Variants in ASNS observed in about 807,000 individuals in gnomAD.
ASNS encodes the protein asparagine synthetase [glutamine-hydrolyzing].
In ASNS, 37 loss-of-function variants were observed where a neutral mutation model predicts 62.6. That is an observed-to-expected ratio of 0.59 (90% CI 0.45 to 0.78). ASNS has a LOEUF of 0.78. Ranked by LOEUF, ASNS falls within the 30% of genes least tolerant of loss-of-function variation. The pLI, the probability that ASNS is intolerant of heterozygous loss-of-function variation, is 0.00. For synonymous variants in ASNS, 207 were observed against 237.9 expected, an observed-to-expected ratio of 0.87 and a Z score of 1.19; for missense variants, 520 against 682.4, an observed-to-expected ratio of 0.76 and a Z score of 2.65.
At chr7:97,896,630 G>T in the ASNS span, among the ~76,000 whole-genome samples, 39 of 113,920 alleles carry the variant, frequency 3.4e-4, 1 homozygote, top group East Asian at 0.01. Flanking sequence ...ATATATATAT[G>T]TATATATATA....
At chr7:97,900,359 TC>T in the ASNS span, among the ~76,000 whole-genome samples, 18 of 58,352 alleles carry the variant, frequency 3.1e-4, 1 homozygote, top group South Asian at 2.1e-3. Flanking sequence ...AGACTTTGTC[TC>T]AAAAAAAAAA....
chr7:97,884,020 C>T, the ASNS span, among the ~76,000 whole-genome samples: 1 of 149,876 alleles, frequency 6.7e-6, no homozygotes, highest in African/African-American at 2.5e-5. Context: ...TATAAAAGGT[C>T]ACCTTTACTG....
At chr7:97,906,524 ATT>A in the ASNS span, 2 of 177,214 alleles carry the variant, frequency 1.1e-5, no homozygotes, top group African/African-American at 4.8e-5. Flanking sequence ...CCTCTTGAAT[ATT>A]TTCAAGGATT....
At chr7:97,853,009 C>G (rs1562811743) in intron 12 of ASNS, 51 bp downstream of exon 12, 3 of 1,473,694 alleles carry the variant, frequency 2.0e-6, no homozygotes, top group Non-Finnish European at 2.7e-6. Context: ...GCAATGACAG[C>G]TCTGCATCCA....
At chr7:97,880,278 C>A in the ASNS span, among the ~76,000 whole-genome samples, 4 of 152,040 alleles carry the variant, frequency 2.6e-5, no homozygotes, top group Non-Finnish European at 5.9e-5. Flanking sequence ...GTGTGCATCA[C>A]CACACCTAGC....
the ASNS span, among the ~76,000 whole-genome samples, chr7:97,927,152 T>C: frequency 7.4e-6 from 1 of 135,662 alleles, no homozygotes; most frequent in Non-Finnish European, 1.5e-5. Flanking sequence ...ACTCCTGGGC[T>C]CAAGCGATCC....
the ASNS span, among the ~76,000 whole-genome samples, chr7:97,904,517 A>T: frequency 2.0e-5 from 3 of 152,080 alleles, no homozygotes; most frequent in Non-Finnish European, 4.4e-5. Context: ...CAATACCTCG[A>T]GTATCACCAA....
intron 3 of ASNS, among the ~76,000 whole-genome samples, chr7:97,867,793 T>A (rs1792047664): frequency 6.6e-6 from 1 of 152,202 alleles, no homozygotes; most frequent in African/African-American, 2.4e-5. Context: ...AAAAGGAATT[T>A]CCTGAATAAC....
chr7:97,896,620 A>ATATATATATGTATATATATATATATGTG, the ASNS span, among the ~76,000 whole-genome samples: 41 of 132,006 alleles, frequency 3.1e-4, no homozygotes, highest in Non-Finnish European at 5.9e-4. Context: ...AAAAAACCAC[A>ATATATATATGTATATATATATATATGTG]TATATATATG....
chr7:97,904,284 TCACACACACACACA>T, the ASNS span, among the ~76,000 whole-genome samples: 2 of 135,134 alleles, frequency 1.5e-5, no homozygotes, highest in African/African-American at 2.8e-5. Flanking sequence ...ACTACCAGTT[TCACACACACACACA>T]CACACACACA....
chr7:97,861,023 C>CTTTTT lies in ASNS; in HGVS notation c.488-1630_488-1626dup, dbSNP rs71108240. On this transcript the variant is annotated intron_variant, in intron 4 of 12. Coordinates refer to ENST00000394308, the MANE Select transcript of ASNS (RefSeq NM_001673.5). Reference sequence around the variant, plus strand: ...TAGTTCAAAACTGATTCATTTGATCCTTTTTTTTTTTTTTTTTGAGATGAG... The same window carrying CTTTTT: ...TAGTTCAAAACTGATTCATTTGATCCTTTTTTTTTTTTTTTTTTTTTTGAGATGAG... 9.4e-4 allele frequency among the ~76,000 whole-genome samples: 113 copies of CTTTTT among 120,676 alleles called. 4 individuals are homozygous for CTTTTT. The highest frequency in any genetic ancestry group is 1.7e-3 in the East Asian group (7 of 4,206). 79.2% of individuals were successfully genotyped at this position (120,676 alleles called of 152,430 possible).
intron 6 of ASNS, 146 bp from the exon 7 acceptor site, chr7:97,858,551 CAA>C (rs1791568494): frequency 9.5e-7 from 1 of 1,048,468 alleles, no homozygotes; most frequent in Non-Finnish European, 1.4e-6. Flanking sequence ...TCAACTTCAA[CAA>C]GAGAAAAATA....
chr7:97,876,186 G>A (rs1430828279), upstream of ASNS, among the ~76,000 whole-genome samples: 1 of 152,130 alleles, frequency 6.6e-6, no homozygotes, highest in African/African-American at 2.4e-5. Context: ...TGGAAGGTCA[G>A]AGTTAGGGTT....
At chr7:97,870,360 A>G in intron 1 of ASNS, 1 of 346,584 alleles carries the variant, frequency 2.9e-6, no homozygotes, top group Non-Finnish European at 5.2e-6. Flanking sequence ...TTTTAAAAAA[A>G]CTGCGAATTG....
At chr7:97,885,221 C>T in the ASNS span, among the ~76,000 whole-genome samples, 79 of 152,382 alleles carry the variant, frequency 5.2e-4, no homozygotes, top group Non-Finnish European at 5.0e-4. Context: ...CGTGTTAGTA[C>T]TTCATTCCTT....
At chr7:97,857,836 C>A (rs1353596745) in intron 7 of ASNS, among the ~76,000 whole-genome samples, 2 of 151,780 alleles carry the variant, frequency 1.3e-5, no homozygotes, top group Admixed American at 1.3e-4. Flanking sequence ...ACCCAGGCTC[C>A]CATAAGGCTA....
chr7:97,868,479 A>G (rs1792080672), intron 3 of ASNS, among the ~76,000 whole-genome samples: 1 of 151,668 alleles, frequency 6.6e-6, no homozygotes, highest in Non-Finnish European at 1.5e-5. Flanking sequence ...TAGGAGTGTC[A>G]TAATATCTGC....
chr7:97,870,202 C>A, intron 1 of ASNS: 1 of 990,234 alleles, frequency 1.0e-6, no homozygotes, highest in Non-Finnish European at 1.4e-6. Context: ...GCAGTGATGA[C>A]TGCCTTTCTG....
chr7:97,858,310 C>T lies in ASNS; in HGVS notation c.871G>A (p.Glu291Lys). ...YPLQTFAIGM[E>K]DSPDLLAARK... The stretch of plus-strand genomic sequence containing the variant: ...GCAGCCAGTAAATCGGGGCTGTCTT[C>T]CATGCCAATTGCAAATGTCTGGAGA... Residue 291 changes from glutamate (E) to lysine (K), a missense_variant, in exon 7 of 13, where the codon GAA becomes AAA. Transcript: ENST00000394308. The T allele has an allele frequency of 6.2e-7, 1 of 1,613,684 alleles. No homozygotes were observed. The highest frequency in any genetic ancestry group is 1.3e-5 in the African/African-American group (1 of 75,038).
Sources: allele counts gnomAD v4.1 joint callset (sites outside exome capture counted in the v4.1 genomes callset), GRCh38; gene constraint gnomAD v4.1.1; transcripts MANE v1.5; gene names NCBI Gene and HGNC (gene_info 2026-07-23, HGNC 2026-07-21).